Variants in LRP5 observed in about 807,000 individuals in gnomAD.
LRP5 encodes LDL receptor related protein 5, also known as low-density lipoprotein receptor-related protein 5.
Under a neutral mutation model 154.1 loss-of-function variants are expected in LRP5, and 62 were observed. The ratio of observed to expected loss-of-function variants is 0.40; its 90% CI spans 0.33 to 0.50. The LOEUF is 0.50. LRP5 is among the 20% of genes least tolerant of loss of function. The probability of loss-of-function intolerance (pLI) is 0.55; values close to 1 mark genes in which losing one functional copy is unlikely to be tolerated. For missense variants in LRP5, 1,915 were observed against 2,336.7 expected (o/e 0.82, Z 3.72); for synonymous variants, 966 against 1,011.5 (o/e 0.96, Z 0.85).
chr11:68,382,177 G>A (rs922906395), intron 5 of LRP5, among the ~76,000 whole-genome samples: 8 of 152,222 alleles, frequency 5.3e-5, no homozygotes, highest in African/African-American at 1.9e-4. Flanking sequence ...CACCCCAGCA[G>A]TGAAAGGACT....
intron 1 of LRP5, among the ~76,000 whole-genome samples, chr11:68,344,099 G>A (rs116840350): frequency 0.047 from 7,134 of 152,128 alleles, 560 homozygotes; most frequent in African/African-American, 0.16. Flanking sequence ...TGCATCGCCC[G>A]CAGGCTGGGT....
chr11:68,397,972 T>G (rs12362116), intron 7 of LRP5, among the ~76,000 whole-genome samples: 51 of 142,166 alleles, frequency 3.6e-4, no homozygotes, highest in South Asian at 7.1e-4. Context: ...CTGTGTGTGT[T>G]TGTGTGTGTG....
intron 1 of LRP5, among the ~76,000 whole-genome samples, chr11:68,335,341 TG>T (rs2098605086): frequency 6.6e-6 from 1 of 151,952 alleles, no homozygotes; most frequent in Non-Finnish European, 1.5e-5. Context: ...CCCAAAGTGT[TG>T]GGATTACAGG....
chr11:68,343,487 G>A (rs1246448584), intron 1 of LRP5, among the ~76,000 whole-genome samples: 1 of 152,168 alleles, frequency 6.6e-6, no homozygotes. Context: ...ACTGGTGAGT[G>A]GGACAAGCTG....
intron 3 of LRP5, among the ~76,000 whole-genome samples, chr11:68,360,168 C>T (rs540951511): frequency 5.3e-5 from 8 of 152,286 alleles, no homozygotes; most frequent in East Asian, 1.9e-4. Context: ...CGTACCACCA[C>T]GCCTGGCTAA....
At chr11:68,350,956 G>T (rs1464985334) in intron 2 of LRP5, among the ~76,000 whole-genome samples, 1 of 152,180 alleles carries the variant, frequency 6.6e-6, no homozygotes, top group Admixed American at 6.5e-5. Context: ...GTGTGTCCGT[G>T]TGTGTGCATG....
intron 21 of LRP5, among the ~76,000 whole-genome samples, chr11:68,442,440 T>C (rs1412327130): frequency 6.6e-6 from 1 of 152,150 alleles, no homozygotes; most frequent in Non-Finnish European, 1.5e-5. Context: ...CATGCCAGGC[T>C]AATTTTTAAA....
intron 5 of LRP5, among the ~76,000 whole-genome samples, chr11:68,369,167 G>A (rs2098632724): frequency 6.6e-6 from 1 of 152,152 alleles, no homozygotes; most frequent in Non-Finnish European, 1.5e-5. Flanking sequence ...ATCAAGACAT[G>A]TCTTTTAGTC....
At chr11:68,384,411 C>T (rs555466064) in intron 5 of LRP5, among the ~76,000 whole-genome samples, 2 of 152,186 alleles carry the variant, frequency 1.3e-5, no homozygotes, top group Non-Finnish European at 2.9e-5. Context: ...GACCTGGGCC[C>T]CTGTGCAGGG....
rs138651503 is a variant in LRP5 at position 68,348,139 on chromosome 11, G to A, written c.384G>A (p.Glu128=). The change falls in exon 2 of 23, where the codon GAG becomes GAA. Residue 128 remains glutamate (E), a synonymous_variant. Coordinates refer to ENST00000294304, the MANE Select transcript of LRP5 (RefSeq NM_002335.4). ...AGAAGCTGTACTGGACGGACTCAGA[G>A]ACCAACCGCATCGAGGTGGCCAACC... ...VGKKLYWTDS[E]TNRIEVANLN... The A allele has an allele frequency of 1.4e-4, 227 of 1,614,104 alleles. 2 individuals are homozygous for A. In the East Asian group the frequency reaches 4.5e-3, roughly 32 times the overall value.
intron 5 of LRP5, among the ~76,000 whole-genome samples, chr11:68,385,442 C>A (rs1037746258): frequency 2.0e-5 from 3 of 152,076 alleles, no homozygotes; most frequent in African/African-American, 7.2e-5. Flanking sequence ...TATTTAGAAA[C>A]GAGGTCTGAG....
At chr11:68,357,552 G>A in intron 2 of LRP5, 98 bp from the exon 3 acceptor site, 1 of 1,147,832 alleles carries the variant, frequency 8.7e-7, no homozygotes, top group Non-Finnish European at 1.3e-6. Flanking sequence ...AGATTTTAGG[G>A]CAAGTTCACT....
At chr11:68,395,441 C>T (rs974609330) in intron 7 of LRP5, among the ~76,000 whole-genome samples, 1 of 152,046 alleles carries the variant, frequency 6.6e-6, no homozygotes, top group Non-Finnish European at 1.5e-5. Context: ...TGGAGCTCAT[C>T]ACTGGGGGCC....
At chr11:68,395,229 A>G (rs1341158183) in intron 7 of LRP5, among the ~76,000 whole-genome samples, 2 of 144,932 alleles carry the variant, frequency 1.4e-5, no homozygotes, top group Non-Finnish European at 3.0e-5. Flanking sequence ...TAAACCTGGG[A>G]GGCGGAGGTT....
chr11:68,308,593 C>T (rs1036227575), upstream of LRP5, among the ~76,000 whole-genome samples: 1 of 152,270 alleles, frequency 6.6e-6, no homozygotes, highest in East Asian at 1.9e-4. Context: ...CTAAAAATGA[C>T]TGTCCTTGGG....
chr11:68,299,126 G>C, the LRP5 span, among the ~76,000 whole-genome samples: 2 of 152,180 alleles, frequency 1.3e-5, no homozygotes, highest in Non-Finnish European at 2.9e-5. Flanking sequence ...GACGTCCCAA[G>C]TCCATGCACA....
intron 2 of LRP5, among the ~76,000 whole-genome samples, chr11:68,350,371 G>T (rs2098617225): frequency 6.6e-6 from 1 of 152,218 alleles, no homozygotes; most frequent in African/African-American, 2.4e-5. Context: ...AGTCCCAGGA[G>T]TGGGCGGCCA....
chr11:68,429,488 G>C, intron 16 of LRP5, 87 bp from the exon 17 acceptor site: 1 of 1,566,990 alleles, frequency 6.4e-7, no homozygotes, highest in Non-Finnish European at 8.8e-7. Flanking sequence ...GTTCTCATGA[G>C]TTCTCATTTG....
At chr11:68,430,306 T>C (rs1341110753) in intron 17 of LRP5, among the ~76,000 whole-genome samples, 1 of 152,164 alleles carries the variant, frequency 6.6e-6, no homozygotes, top group Non-Finnish European at 1.5e-5. Context: ...CCTGAGTAGC[T>C]GGGATTACAG....
Sources: gnomAD v4.1 joint callset for allele counts (sites outside exome capture counted in the v4.1 genomes callset) on GRCh38, gnomAD v4.1.1 for gene constraint, MANE v1.5 for transcripts, NCBI Gene and HGNC (gene_info 2026-07-23, HGNC 2026-07-21) for gene names.